The following PPP2R3A variants were observed in gnomAD, a reference collection of about 807,000 sequenced individuals.
The protein encoded by PPP2R3A is protein phosphatase 2 regulatory subunit B''alpha.
PPP2R3A carries 80 observed loss-of-function variants against 106.9 expected under a neutral mutation model. The observed-to-expected ratio is 0.75, with a 90% CI of 0.62 to 0.90. The LOEUF (loss-of-function observed/expected upper bound fraction) is 0.90. Among genes scored for constraint, PPP2R3A ranks in the 40% least tolerant of loss-of-function variants. PPP2R3A has a pLI of 0.00. For synonymous variants in PPP2R3A, 483 were observed against 468.3 expected, an observed-to-expected ratio of 1.03 and a Z score of -0.41; for missense variants, 1,386 against 1,350.4, an observed-to-expected ratio of 1.03 and a Z score of -0.41.
chr3:136,092,171 A>T (rs1453503203), intron 10 of PPP2R3A, among the ~76,000 whole-genome samples: 1 of 152,174 alleles, frequency 6.6e-6, no homozygotes, highest in African/African-American at 2.4e-5. Flanking sequence ...TCTACTAAAA[A>T]TGTAAAAAAT....
chr3:136,024,047 G>A (rs1212299115), intron 2 of PPP2R3A, among the ~76,000 whole-genome samples: 1 of 152,006 alleles, frequency 6.6e-6, no homozygotes, highest in Non-Finnish European at 1.5e-5. Flanking sequence ...ATCAAATATT[G>A]GAAATGCTAC....
intron 5 of PPP2R3A, among the ~76,000 whole-genome samples, chr3:136,065,212 CAT>C (rs1160341079): frequency 9.2e-5 from 14 of 152,246 alleles, no homozygotes; most frequent in South Asian, 4.1e-4. Flanking sequence ...GCTAAATCCA[CAT>C]GTTTCCTAGC....
intron 11 of PPP2R3A, 33 bp downstream of exon 11, chr3:136,102,215 C>A: frequency 6.2e-7 from 1 of 1,607,402 alleles, no homozygotes; most frequent in South Asian, 1.1e-5. Flanking sequence ...ATGCACTGTT[C>A]ACCTATGTAT....
intron 10 of PPP2R3A, among the ~76,000 whole-genome samples, chr3:136,101,427 G>A (rs923334358): frequency 5.9e-5 from 9 of 152,012 alleles, no homozygotes; most frequent in Admixed American, 2.6e-4. Flanking sequence ...TGGTTGTTTA[G>A]TTGGTTTTTA....
At chr3:136,113,568 A>T (rs1318784681) in intron 13 of PPP2R3A, among the ~76,000 whole-genome samples, 1 of 152,176 alleles carries the variant, frequency 6.6e-6, no homozygotes, top group Non-Finnish European at 1.5e-5. Flanking sequence ...AGGCGGGAGG[A>T]TCACTTGAGG....
At chr3:135,977,934 A>G (rs1199816047) in intron 1 of PPP2R3A, among the ~76,000 whole-genome samples, 1 of 151,766 alleles carries the variant, frequency 6.6e-6, no homozygotes, top group Non-Finnish European at 1.5e-5. Context: ...TCCTAAGCTA[A>G]AAGCTATCCG....
chr3:136,013,502 A>G (rs1049840933), intron 2 of PPP2R3A, among the ~76,000 whole-genome samples: 1 of 151,928 alleles, frequency 6.6e-6, no homozygotes, highest in Admixed American at 6.6e-5. Context: ...TATCACCACC[A>G]TGCCAATATC....
chr3:136,003,103 A>G lies in PPP2R3A; in HGVS notation c.1605A>G (p.Lys535=). 2 of 1,610,944 alleles carry G rather than the reference A, an allele frequency of 1.2e-6. No homozygotes were observed. The highest frequency in any genetic ancestry group is 1.7e-6 in the Non-Finnish European group (2 of 1,179,250). The change falls in exon 2 of 14, where the codon AAA becomes AAG. Residue 535 remains lysine, a synonymous_variant. Transcript: ENST00000264977. ...TSLREPLAKG[K]NSNFLNSHSQ... ...TAAGAGAGCCACTTGCGAAGGGTAA[A>G]AACTCTAATTTTTTAAATAGTCACA...
Position 136,054,897 on chromosome 3 carries a change from A to G in PPP2R3A, c.2469+5536A>G, listed in dbSNP as rs542710065. On this transcript the variant is annotated intron_variant, in intron 5 of 13. Transcript: ENST00000264977. ...GCATTAATTCAGTTTTCTACTCACTATATAATTCGGTTGTAGGGATATAGA... is the reference window on the plus strand; with the variant it reads ...GCATTAATTCAGTTTTCTACTCACTGTATAATTCGGTTGTAGGGATATAGA... Among the ~76,000 whole-genome samples, 10 of 152,276 alleles carry G rather than the reference A, an allele frequency of 6.6e-5. No homozygotes were observed. The East Asian group carries it at 1.7e-3, about 26-fold the overall frequency.
intron 4 of PPP2R3A, among the ~76,000 whole-genome samples, chr3:136,044,080 G>T (rs1402022564): frequency 6.6e-6 from 1 of 152,120 alleles, no homozygotes; most frequent in Non-Finnish European, 1.5e-5. Flanking sequence ...AGACCTCACT[G>T]TTTTTCTATT....
At chr3:136,085,284 G>A (rs754531247) in intron 8 of PPP2R3A, among the ~76,000 whole-genome samples, 1 of 152,132 alleles carries the variant, frequency 6.6e-6, no homozygotes, top group Non-Finnish European at 1.5e-5. Context: ...TTAGAAAGGG[G>A]AGTTCCCCCA....
intron 1 of PPP2R3A, among the ~76,000 whole-genome samples, chr3:135,989,721 A>G (rs981668957): frequency 6.6e-6 from 1 of 152,094 alleles, no homozygotes; most frequent in Non-Finnish European, 1.5e-5. Context: ...CATACAGCCT[A>G]ACTTGCCTTA....
intron 5 of PPP2R3A, among the ~76,000 whole-genome samples, chr3:136,068,869 C>T (rs1276905628): frequency 6.6e-6 from 1 of 152,174 alleles, no homozygotes; most frequent in Non-Finnish European, 1.5e-5. Flanking sequence ...CTCTGTATTA[C>T]GTATGCCCAG....
chr3:136,138,885 A>G (rs1938739027), intron 13 of PPP2R3A, among the ~76,000 whole-genome samples: 1 of 151,096 alleles, frequency 6.6e-6, no homozygotes, highest in Non-Finnish European at 1.5e-5. Context: ...CTAATTTTGT[A>G]TTTTTAGTAG....
At chr3:135,968,691 C>T (rs1331937929) in intron 1 of PPP2R3A, among the ~76,000 whole-genome samples, 8 of 152,148 alleles carry the variant, frequency 5.3e-5, no homozygotes, top group Admixed American at 2.0e-4. Flanking sequence ...TGCTCCCTCC[C>T]CCAGCTACCA....
At chr3:136,017,469 G>C (rs1016570697) in intron 2 of PPP2R3A, among the ~76,000 whole-genome samples, 2 of 152,192 alleles carry the variant, frequency 1.3e-5, no homozygotes, top group African/African-American at 4.8e-5. Context: ...TCATTTTCTG[G>C]ACATTTGGGT....
At chr3:136,007,385 A>G (rs1291995543) in intron 2 of PPP2R3A, among the ~76,000 whole-genome samples, 2 of 152,200 alleles carry the variant, frequency 1.3e-5, no homozygotes, top group South Asian at 2.1e-4. Flanking sequence ...TTGCTTCTCA[A>G]GGATGGGTAC....
rs1212940229 is a variant in PPP2R3A, at chr3:136,002,263, G to GA, written c.771dup (p.Ser258IlefsTer4). 6.2e-7 allele frequency: 1 copy of GA among 1,613,694 alleles called. No homozygotes were observed. Among genetic ancestry groups the GA allele is most frequent in the Non-Finnish European group, 8.5e-7 (1 of 1,179,878 alleles). ...CAGACATCATAAAACAATGCATAAA[G>GA]AAAAAATCAGGGAGTAGCATCAGTG... is the stretch of plus-strand genomic sequence containing the variant. On this transcript the variant is annotated frameshift_variant, in exon 2 of 14. Coordinates refer to ENST00000264977, the MANE Select transcript of PPP2R3A (RefSeq NM_002718.5). LOFTEE classifies it high-confidence loss of function.
chr3:136,116,593 T>C (rs1012404706), intron 13 of PPP2R3A, among the ~76,000 whole-genome samples: 2 of 152,172 alleles, frequency 1.3e-5, no homozygotes, highest in Admixed American at 6.5e-5. Context: ...GTTCCAATCC[T>C]AGTCTCTGAT....
Sources: allele counts gnomAD v4.1 joint callset (sites outside exome capture counted in the v4.1 genomes callset), GRCh38; gene constraint gnomAD v4.1.1; transcripts MANE v1.5; gene names NCBI Gene and HGNC (gene_info 2026-07-23, HGNC 2026-07-21).